Variants in FOXP2 observed in about 807,000 individuals in gnomAD.
The protein encoded by FOXP2 is forkhead box P2.
Under a neutral mutation model 115.8 loss-of-function variants are expected in FOXP2, and 12 were observed. The observed-to-expected ratio is 0.10, with a 90% CI of 0.07 to 0.17. FOXP2 has a LOEUF of 0.17. Among genes scored for constraint, FOXP2 ranks in the 10% least tolerant of loss-of-function variants. The pLI is 1.00. For missense variants in FOXP2, 629 were observed against 843.5 expected (o/e 0.75, Z 3.15); for synonymous variants, 328 against 297.7 (o/e 1.10, Z -1.05).
At chr7:114,506,782 A>G (rs1440892528) in intron 2 of FOXP2, among the ~76,000 whole-genome samples, 1 of 151,710 alleles carries the variant, frequency 6.6e-6, no homozygotes, top group African/African-American at 2.4e-5. Flanking sequence ...AACTGGCCTG[A>G]TTTCATTGAT....
chr7:114,146,024 A>G (rs765366562), intron 1 of FOXP2, among the ~76,000 whole-genome samples: 1 of 152,150 alleles, frequency 6.6e-6, no homozygotes, highest in Non-Finnish European at 1.5e-5. Flanking sequence ...TACTTTCTGT[A>G]GAGTGGTGGG....
intron 6 of FOXP2, among the ~76,000 whole-genome samples, chr7:114,636,497 C>T (rs189883535): frequency 3.6e-4 from 55 of 151,962 alleles, no homozygotes; most frequent in Middle Eastern, 3.4e-3. Context: ...AAATAAGTAG[C>T]GTATCACTAA....
chr7:114,152,107 G>A (rs578197093), intron 1 of FOXP2, among the ~76,000 whole-genome samples: 15 of 152,158 alleles, frequency 9.9e-5, no homozygotes, highest in African/African-American at 3.6e-4. Flanking sequence ...CATTATCCCA[G>A]CAAGTAGGAT....
intron 1 of FOXP2, among the ~76,000 whole-genome samples, chr7:114,098,294 T>C (rs940204636): frequency 2.6e-5 from 4 of 152,126 alleles, no homozygotes; most frequent in Non-Finnish European, 4.4e-5. Context: ...TCAAAAACCA[T>C]AGATGGAGGC....
chr7:114,123,351 C>CAA (rs35721597), intron 1 of FOXP2, among the ~76,000 whole-genome samples: 211 of 78,380 alleles, frequency 2.7e-3, no homozygotes, highest in Middle Eastern at 0.015. Flanking sequence ...AAAGCCCTGT[C>CAA]AAAAAAAAAA....
intron 1 of FOXP2, among the ~76,000 whole-genome samples, chr7:114,261,177 T>C (rs1251900573): frequency 1.3e-5 from 2 of 152,202 alleles, no homozygotes; most frequent in African/African-American, 2.4e-5. Flanking sequence ...ATAAGTCTCT[T>C]TGAGCTCATC....
intron 1 of FOXP2, among the ~76,000 whole-genome samples, chr7:114,096,732 T>A (rs377423963): frequency 1.6e-4 from 24 of 152,218 alleles, no homozygotes; most frequent in African/African-American, 5.8e-4. Context: ...ACAACTCATT[T>A]TTCTGGCGAT....
chr7:114,412,485 T>TTG (rs552410919), upstream of FOXP2, among the ~76,000 whole-genome samples: 607 of 152,176 alleles, frequency 4.0e-3, 6 homozygotes, highest in African/African-American at 0.014. Flanking sequence ...CCTAATACAT[T>TTG]TGTGTGTGTG....
chr7:114,462,518 C>A (rs1304298946), intron 2 of FOXP2, among the ~76,000 whole-genome samples: 1 of 150,804 alleles, frequency 6.6e-6, no homozygotes, highest in Non-Finnish European at 1.5e-5. Context: ...ACTACAGGCA[C>A]GTGCCACCAC....
At chr7:114,314,872 A>C (rs1163454467) in intron 2 of FOXP2, among the ~76,000 whole-genome samples, 2 of 152,214 alleles carry the variant, frequency 1.3e-5, no homozygotes, top group South Asian at 2.1e-4. Flanking sequence ...ACTATTAATA[A>C]AATGGATAAA....
chr7:114,545,167 C>T (rs994476968), intron 3 of FOXP2, among the ~76,000 whole-genome samples: 3 of 152,068 alleles, frequency 2.0e-5, no homozygotes, highest in African/African-American at 7.2e-5. Context: ...ACAGTGAACC[C>T]CAAATTCTAT....
At chr7:114,145,801 G>A (rs921931812) in intron 1 of FOXP2, among the ~76,000 whole-genome samples, 3 of 151,860 alleles carry the variant, frequency 2.0e-5, no homozygotes, top group South Asian at 2.1e-4. Context: ...TGAGATTTTC[G>A]CAAATTTTAC....
rs1019456037 is a variant in FOXP2, at chr7:114,494,944, C to T, written c.169-39673C>T. ...ATTGCTTACATTTTTGAAACATTCA[C>T]CTTTTCATTCTAATAATGACAGGTG... On this transcript the variant is annotated intron_variant, in intron 2 of 16. Transcript: ENST00000350908. Among the ~76,000 whole-genome samples the T allele has an allele frequency of 2.0e-5, 3 of 152,268 alleles. No individual in the cohort carries two copies. In the South Asian group the frequency reaches 6.2e-4, roughly 32 times the overall value.
At chr7:114,682,153 G>A (rs1169388824) in intron 16 of FOXP2, among the ~76,000 whole-genome samples, 1 of 152,116 alleles carries the variant, frequency 6.6e-6, no homozygotes, top group Non-Finnish European at 1.5e-5. Flanking sequence ...GATACAGAGA[G>A]GTTAAGTAGC....
intron 1 of FOXP2, among the ~76,000 whole-genome samples, chr7:114,186,519 G>A (rs985897240): frequency 1.8e-5 from 2 of 108,806 alleles, no homozygotes; most frequent in African/African-American, 5.1e-5. Flanking sequence ...TGGGAATCGG[G>A]CCCCCAAGGC....
At chr7:114,631,427 A>C in intron 5 of FOXP2, 101 bp from the exon 6 acceptor site, 3 of 1,536,548 alleles carry the variant, frequency 2.0e-6, no homozygotes, top group Non-Finnish European at 2.6e-6. Context: ...TGACCAAAAA[A>C]CCCACTCAGG....
intron 13 of FOXP2, 117 bp from the exon 14 acceptor site, chr7:114,661,948 C>T (rs1026236243): frequency 7.5e-7 from 1 of 1,326,458 alleles, no homozygotes; most frequent in Non-Finnish European, 1.1e-6. Context: ...GATTTTAATA[C>T]TTAAACATGT....
At chr7:114,644,815 G>A in intron 8 of FOXP2, 26 bp downstream of exon 8, 2 of 1,563,624 alleles carry the variant, frequency 1.3e-6, no homozygotes, top group African/African-American at 1.4e-5. Context: ...TTTTTTGGTG[G>A]GGGGCGGGGG....
At chr7:114,622,865 GA>G (rs1258045111) in intron 3 of FOXP2, among the ~76,000 whole-genome samples, 2 of 151,872 alleles carry the variant, frequency 1.3e-5, no homozygotes, top group Admixed American at 1.3e-4. Context: ...CACAGTTACA[GA>G]AAAGTAGTCT....
Sources: allele counts gnomAD v4.1 joint callset (sites outside exome capture counted in the v4.1 genomes callset), GRCh38; gene constraint gnomAD v4.1.1; transcripts MANE v1.5; gene names NCBI Gene and HGNC (gene_info 2026-07-23, HGNC 2026-07-21).